Variants in SULF2 observed in about 807,000 individuals in gnomAD.
The protein encoded by SULF2 is sulfatase 2, also known as extracellular sulfatase Sulf-2.
SULF2 carries 52 observed loss-of-function variants against 107.7 expected under a neutral mutation model. The observed-to-expected ratio is 0.48, with a 90% CI of 0.39 to 0.61. The LOEUF (loss-of-function observed/expected upper bound fraction) is 0.61. Among genes scored for constraint, SULF2 ranks in the 20% least tolerant of loss-of-function variants. SULF2 has a pLI of 0.00. For missense variants in SULF2, 993 were observed against 1,177.3 expected (o/e 0.84, Z 2.29); for synonymous variants, 460 against 464.3 (o/e 0.99, Z 0.12).
chr20:47,751,701 G>T (rs1568901735), intron 2 of SULF2, among the ~76,000 whole-genome samples: 1 of 152,190 alleles, frequency 6.6e-6, no homozygotes, highest in Non-Finnish European at 1.5e-5. Flanking sequence ...TTATTCATAT[G>T]AGTCCAATAA....
In SULF2 at chr20:47,688,138, G is replaced by A. The variant is rs150467238; in HGVS notation, c.737+1988C>T. 3.9e-4 allele frequency among the ~76,000 whole-genome samples: 59 copies of A among 152,202 alleles called. No homozygotes were observed. The East Asian group carries it at 0.011, about 28-fold the overall frequency. Reference sequence around the variant, plus strand: ...CCTGCCCCAGGAAAGGGCATGTGCCGGCTTTCTAGGGGAGAGATGGGATAG... The same window carrying A: ...CCTGCCCCAGGAAAGGGCATGTGCCAGCTTTCTAGGGGAGAGATGGGATAG... On this transcript the variant is annotated intron_variant, in intron 5 of 20. Coordinates refer to ENST00000688720, the MANE Select transcript of SULF2 (RefSeq NM_001387048.1).
intron 7 of SULF2, among the ~76,000 whole-genome samples, chr20:47,681,248 T>G (rs1235326280): frequency 6.6e-6 from 1 of 152,222 alleles, no homozygotes; most frequent in East Asian, 1.9e-4. Flanking sequence ...TTTCAGTAAC[T>G]ATAGTTACTG....
rs1461022604 is a variant in SULF2, at chr20:47,680,902, C to A, written c.1064+2092G>T. 6.6e-6 allele frequency among the ~76,000 whole-genome samples: 1 copy of A among 152,210 alleles called. No homozygotes were observed. Among genetic ancestry groups the A allele is most frequent in the Non-Finnish European group, 1.5e-5 (1 of 68,042 alleles). Reference sequence around the variant, plus strand: ...CAGCTTCTAATTCTGTAGGAACTACCTGGCCCCATTCAGAGTCCCCTGCCC... The same window carrying A: ...CAGCTTCTAATTCTGTAGGAACTACATGGCCCCATTCAGAGTCCCCTGCCC... On this transcript the variant is annotated intron_variant, in intron 7 of 20. Coordinates refer to ENST00000688720, the MANE Select transcript of SULF2 (RefSeq NM_001387048.1). The surrounding 1 kb of genome is among the most constrained non-coding windows in gnomAD (Gnocchi z 4.2).
At chr20:47,692,448 T>C (rs1429169643) in intron 4 of SULF2, among the ~76,000 whole-genome samples, 1 of 152,218 alleles carries the variant, frequency 6.6e-6, no homozygotes, top group East Asian at 1.9e-4. Flanking sequence ...AAGGTCTTGC[T>C]CTGTCAGGCT....
intron 1 of SULF2, among the ~76,000 whole-genome samples, chr20:47,774,673 G>A (rs1471157144): frequency 2.6e-5 from 4 of 152,140 alleles, no homozygotes; most frequent in African/African-American, 9.7e-5. Context: ...TGCCAGGGGT[G>A]GAGTCACCTA....
chr20:47,754,185 C>T (rs1397631480), intron 2 of SULF2, among the ~76,000 whole-genome samples: 1 of 152,174 alleles, frequency 6.6e-6, no homozygotes, highest in East Asian at 1.9e-4. Flanking sequence ...GTATCTGGCA[C>T]CAGTCCTCCC....
At chr20:47,697,137 C>T (rs960187520) in intron 4 of SULF2, among the ~76,000 whole-genome samples, 1 of 152,198 alleles carries the variant, frequency 6.6e-6, no homozygotes, top group Non-Finnish European at 1.5e-5. Context: ...ACCTGGAAGC[C>T]TCTTTTCGGG....
intron 1 of SULF2, among the ~76,000 whole-genome samples, chr20:47,762,310 G>T (rs2090434150): frequency 6.6e-6 from 1 of 152,162 alleles, no homozygotes; most frequent in Non-Finnish European, 1.5e-5. Flanking sequence ...TTCCGATGGG[G>T]TGCCCTACAA....
chr20:47,665,415 G>A lies in SULF2; in HGVS notation c.1903-122C>T. 5.4e-6 allele frequency: 4 copies of A among 734,992 alleles called. No individual in the cohort carries two copies. In the South Asian group the frequency reaches 6.2e-5, roughly 11 times the overall value. The allele number at this position is 734,992 out of a possible 1,614,324, so 45.5% of individuals were successfully genotyped here. The stretch of plus-strand genomic sequence containing the variant: ...AGCAGCGGCAGCCTGCACTCCCCGG[G>A]CCCCAGGGCAAGCACCGGCATGTCT... On this transcript the variant is annotated intron_variant, in intron 13 of 20. Coordinates refer to ENST00000688720, the MANE Select transcript of SULF2 (RefSeq NM_001387048.1).
chr20:47,755,558 C>T (rs930800661), intron 2 of SULF2, among the ~76,000 whole-genome samples: 6 of 152,150 alleles, frequency 3.9e-5, no homozygotes, highest in African/African-American at 7.2e-5. Context: ...CATACCTAAC[C>T]CATTGATCAG....
intron 16 of SULF2, 21 bp from the exon 17 acceptor site, chr20:47,663,233 T>C: frequency 6.2e-7 from 1 of 1,613,438 alleles, no homozygotes; most frequent in Non-Finnish European, 8.5e-7. Flanking sequence ...AGAGAGAGCA[T>C]GTCCTGAGTG....
chr20:47,663,733 G>A, intron 15 of SULF2, 111 bp from the exon 16 acceptor site: 1 of 1,264,626 alleles, frequency 7.9e-7, no homozygotes, highest in African/African-American at 1.5e-5. Flanking sequence ...CCAACAGAGA[G>A]CCATGGGCAT....
intron 3 of SULF2, among the ~76,000 whole-genome samples, chr20:47,736,356 T>C (rs2089729633): frequency 6.6e-6 from 1 of 152,126 alleles, no homozygotes; most frequent in South Asian, 2.1e-4. Flanking sequence ...TGGTTTGAAG[T>C]CAACGAAACA....
At chr20:47,697,893 A>C (rs1186950949) in intron 4 of SULF2, among the ~76,000 whole-genome samples, 1 of 152,236 alleles carries the variant, frequency 6.6e-6, no homozygotes, top group Non-Finnish European at 1.5e-5. Flanking sequence ...ATTTTTCAGG[A>C]TATTTAGAGA....
intron 3 of SULF2, among the ~76,000 whole-genome samples, chr20:47,710,338 T>C (rs2088886261): frequency 6.6e-6 from 1 of 151,868 alleles, no homozygotes; most frequent in Non-Finnish European, 1.5e-5. Flanking sequence ...ATGCCCACCA[T>C]ATTTTTACTG....
chr20:47,738,341 CCTT>C (rs1366119180), intron 2 of SULF2, among the ~76,000 whole-genome samples: 34 of 152,224 alleles, frequency 2.2e-4, no homozygotes, highest in Admixed American at 2.2e-3. Context: ...AACCCTCTCT[CCTT>C]CTTCTATGGC....
chr20:47,764,808 G>C (rs1257438195), intron 1 of SULF2, among the ~76,000 whole-genome samples: 1 of 152,180 alleles, frequency 6.6e-6, no homozygotes, highest in Non-Finnish European at 1.5e-5. Context: ...ACCAACACAG[G>C]AAACACCCTA....
intron 2 of SULF2, among the ~76,000 whole-genome samples, chr20:47,741,913 T>C (rs1045900883): frequency 1.2e-4 from 19 of 152,204 alleles, no homozygotes; most frequent in Admixed American, 1.1e-3. Context: ...CCATTTCTTG[T>C]TTTTAATGGG....
intron 7 of SULF2, 41 bp downstream of exon 7, chr20:47,682,953 C>T: frequency 2.6e-6 from 4 of 1,545,484 alleles, no homozygotes; most frequent in Non-Finnish European, 3.5e-6. Context: ...CTGAGCTGGG[C>T]CCAGGGGCCT....
Sources: gnomAD v4.1 joint callset for allele counts (sites outside exome capture counted in the v4.1 genomes callset) on GRCh38, gnomAD v4.1.1 for gene constraint, Gnocchi (gnomAD v3.1) non-coding constraint, MANE v1.5 for transcripts, NCBI Gene and HGNC (gene_info 2026-07-23, HGNC 2026-07-21) for gene names.